The following TRPV5 variants were observed in gnomAD, a reference collection of about 807,000 sequenced individuals.
The protein encoded by TRPV5 is calcium transport protein 2.
A neutral mutation model predicts 74.1 loss-of-function variants in TRPV5; 66 were observed. The observed-to-expected ratio is 0.89, with a 90% confidence interval of 0.73 to 1.09. The LOEUF (loss-of-function observed/expected upper bound fraction) is 1.09. TRPV5 is among the 50% of genes least tolerant of loss of function. TRPV5 has a pLI of 0.00. For missense variants in TRPV5, 936 were observed against 930.4 expected, an observed-to-expected ratio of 1.01 and a Z score of -0.08; for synonymous variants, 399 against 360.7, an observed-to-expected ratio of 1.11 and a Z score of -1.20.
At chr7:142,925,243 T>A (rs1229869635) in intron 8 of TRPV5, 3 of 568,388 alleles carry the variant, frequency 5.3e-6, no homozygotes, top group Non-Finnish European at 9.4e-6. Flanking sequence ...ACCCTGATAC[T>A]TTTTGTAAAT....
At chr7:142,928,023 G>C in intron 7 of TRPV5, 65 bp downstream of exon 7, 3 of 1,597,108 alleles carry the variant, frequency 1.9e-6, no homozygotes, top group South Asian at 2.2e-5. Flanking sequence ...TTAGTAAGTG[G>C]ACAGACTCTG....
intron 8 of TRPV5, 78 bp downstream of exon 8, chr7:142,925,451 C>T (rs1795967785): frequency 2.0e-6 from 3 of 1,503,074 alleles, no homozygotes; most frequent in Admixed American, 3.5e-5. Context: ...TGGCATCGTC[C>T]CTGAGTAGCA....
chr7:142,919,698 T>C (rs909492736), intron 8 of TRPV5, among the ~76,000 whole-genome samples: 1 of 152,212 alleles, frequency 6.6e-6, no homozygotes. Context: ...TCACTGAGAA[T>C]TGGCCTAATG....
intron 7 of TRPV5, among the ~76,000 whole-genome samples, chr7:142,926,985 T>C (rs1380439897): frequency 2.6e-5 from 4 of 152,240 alleles, no homozygotes; most frequent in African/African-American, 9.6e-5. Context: ...GGCACTCTCA[T>C]GGAACGTTCT....
Position 142,928,205 on chromosome 7 carries a change from C to T in TRPV5, c.792G>A (p.Arg264=). Residue 264 remains arginine (R), a synonymous_variant, in exon 7 of 15, where the codon AGG becomes AGA. Coordinates refer to ENST00000265310, the MANE Select transcript of TRPV5 (RefSeq NM_019841.7). ...VMFQHLMQKR[R]HIQWTYGPLT... ...GGGGTCCATACGTCCACTGGATGTG[C>T]CTCCGCTTCTGCATCAGGTGCTGGA... 6.2e-7 allele frequency: 1 copy of T among 1,614,122 alleles called. No homozygotes were observed. The highest frequency in any genetic ancestry group is 1.7e-5 in the Admixed American group (1 of 60,028).
Position 142,908,662 on chromosome 7 carries a change from A to G in TRPV5, c.2042T>C (p.Leu681Ser), listed in dbSNP as rs200440258. 7.0e-5 allele frequency: 113 copies of G among 1,614,226 alleles called. 1 individual carries two copies. The East Asian group carries it at 1.3e-3, about 18-fold the overall frequency. The part of the protein sequence containing the change: ...AESGTLARAS[L>S]ALPTSSLSRT... Reference sequence around the variant, plus strand: ...GGACAGGGAGGAAGTTGGAAGAGCCAAAGAGGCTCTGGCTAGAGTCCCACT... The same window carrying G: ...GGACAGGGAGGAAGTTGGAAGAGCCGAAGAGGCTCTGGCTAGAGTCCCACT... The change falls in exon 15 of 15, where the codon TTG becomes TCG. Residue 681 changes from leucine (L) to serine (S), a missense_variant. By Grantham distance (145) the Leu-to-Ser change is moderately radical. Coordinates refer to ENST00000265310, the MANE Select transcript of TRPV5 (RefSeq NM_019841.7).
chr7:142,918,585 G>A (rs1269532319), intron 8 of TRPV5, among the ~76,000 whole-genome samples: 6 of 152,214 alleles, frequency 3.9e-5, no homozygotes, highest in African/African-American at 1.2e-4. Context: ...ATGCAGGAGA[G>A]GTGGCAGTGG....
intron 2 of TRPV5, 30 bp from the exon 3 acceptor site, chr7:142,930,210 C>G: frequency 1.2e-6 from 2 of 1,608,966 alleles, no homozygotes; most frequent in Non-Finnish European, 1.7e-6. Flanking sequence ...AGATGTTAGA[C>G]ACTTTTCAGA....
At chr7:142,914,563 A>G (rs1036168068) in intron 12 of TRPV5, 77 bp downstream of exon 12, 29 of 1,240,262 alleles carry the variant, frequency 2.3e-5, no homozygotes, top group African/African-American at 4.5e-5. Context: ...GCAAATGAGA[A>G]CTGAGAGCAA....
chr7:142,915,141 G>C (rs1420341521), intron 10 of TRPV5, 95 bp from the exon 11 acceptor site: 1 of 1,541,314 alleles, frequency 6.5e-7, no homozygotes, highest in Non-Finnish European at 8.8e-7. Flanking sequence ...ACACACTCAG[G>C]CTTAGTCTTT....
chr7:142,909,626 C>T, intron 13 of TRPV5, 30 bp from the exon 14 acceptor site: 1 of 1,608,194 alleles, frequency 6.2e-7, no homozygotes, highest in Non-Finnish European at 8.5e-7. Context: ...ACAGGAAGAA[C>T]TCTGAAAGAG....
rs141179102 is a variant in TRPV5, at chr7:142,908,704, T to C, written c.2000A>G (p.Gln667Arg). 1.2e-6 allele frequency: 2 copies of C among 1,614,240 alleles called. No homozygotes were observed. The highest frequency in any genetic ancestry group is 1.7e-6 in the Non-Finnish European group (2 of 1,180,044). Residue 667 changes from glutamine to arginine, a missense_variant, in exon 15 of 15, where the codon CAG (glutamine) becomes CGG (arginine). Transcript: ENST00000265310. ...EDDQEHPSEKQPSGAESGTLA... is the reference protein window; with the variant it reads ...EDDQEHPSEKRPSGAESGTLA... ...AGTCCCACTCTCAGCCCCAGAGGGC[T>C]GTTTCTCAGATGGATGCTCCTGGTC...
At chr7:142,929,653 T>C in intron 3 of TRPV5, 88 bp from the exon 4 acceptor site, 1 of 1,557,132 alleles carries the variant, frequency 6.4e-7, no homozygotes, top group African/African-American at 1.4e-5. Context: ...TCTCAGGAGG[T>C]TCCTGATAGA....
intron 12 of TRPV5, 73 bp from the exon 13 acceptor site, chr7:142,912,823 C>T: frequency 1.4e-6 from 2 of 1,450,624 alleles, no homozygotes; most frequent in South Asian, 1.3e-5. Context: ...ATGGTTAGCA[C>T]TTATTCTATC....
At chr7:142,917,495 T>C (rs775505650) in intron 8 of TRPV5, among the ~76,000 whole-genome samples, 1 of 152,120 alleles carries the variant, frequency 6.6e-6, no homozygotes, top group Non-Finnish European at 1.5e-5. Context: ...GCCCCTAGAA[T>C]CCAGCCAGGG....
Position 142,915,312 on chromosome 7 carries a change from G to C in TRPV5, c.1281C>G (p.Val427=), listed in dbSNP as rs1024268453. 2 of 1,609,424 alleles carry C rather than the reference G, an allele frequency of 1.2e-6. No individual in the cohort carries two copies. Among genetic ancestry groups the C allele is most frequent in the African/African-American group, 2.7e-5 (2 of 74,466 alleles). The change falls in exon 10 of 15, where the codon GTC becomes GTG. Residue 427 remains valine, a synonymous_variant. Transcript: ENST00000265310. ...GKTILGGPFH[V]IIITYASLVL... ...TGGAATGAGGGGATACTCACATGAT[G>C]ACATGGAATGGCCCCCCAAGAATCG... is the stretch of plus-strand genomic sequence containing the variant.
intron 4 of TRPV5, 29 bp from the exon 5 acceptor site, chr7:142,929,149 A>T (rs1459983874): frequency 6.2e-7 from 1 of 1,610,678 alleles, no homozygotes; most frequent in East Asian, 2.2e-5. Flanking sequence ...CCATGGCAGG[A>T]GAACGCAGGA....
chr7:142,915,548 T>G lies in TRPV5; in HGVS notation c.1143A>C (p.Glu381Asp). ...GCTCCCCCACCAGCCTGATGATATC[T>G]TCACGTGTCTCATAGGCCTCCTATG... ...KLLQEAYETR[E>D]DIIRLVGELV... is the part of the protein sequence containing the mutation. Residue 381 changes from glutamate (E) to aspartate (D), a missense_variant, in exon 9 of 15, where the codon GAA becomes GAC. Physicochemically the swap from Glu to Asp is conservative, Grantham distance 45. Transcript: ENST00000265310. 6.2e-7 allele frequency: 1 copy of G among 1,614,150 alleles called. No homozygotes were observed. Among genetic ancestry groups the G allele is most frequent in the South Asian group, 1.1e-5 (1 of 91,084 alleles).
Position 142,915,396 on chromosome 7 carries a change from C to T in TRPV5, c.1210-13G>A, listed in dbSNP as rs376016817. On this transcript the variant is annotated splice_polypyrimidine_tract_variant and intron_variant, in intron 9 of 14. Transcript: ENST00000265310. ...AGATGTCTGGAATCTGGGGAGAGGACGGCAAAGCAAAAATACAATGTGGAC... is the reference window on the plus strand; with the variant it reads ...AGATGTCTGGAATCTGGGGAGAGGATGGCAAAGCAAAAATACAATGTGGAC... 3.0e-5 allele frequency: 48 copies of T among 1,607,194 alleles called. No individual in the cohort carries two copies. The highest frequency in any genetic ancestry group is 3.9e-5 in the Non-Finnish European group (46 of 1,178,118).
Sources: gnomAD v4.1 joint callset for allele counts (sites outside exome capture counted in the v4.1 genomes callset) on GRCh38, gnomAD v4.1.1 for gene constraint, MANE v1.5 for transcripts, NCBI Gene and HGNC (gene_info 2026-07-23, HGNC 2026-07-21) for gene names.